The following PSMA5 variants were observed in gnomAD, a reference collection of about 807,000 sequenced individuals.
The protein encoded by PSMA5 is proteasome 20S subunit alpha 5.
Under a neutral mutation model 34.5 loss-of-function variants are expected in PSMA5, and 3 were observed. The ratio of observed to expected loss-of-function variants is 0.09; its 90% CI spans 0.04 to 0.22. The LOEUF is 0.22. PSMA5 is among the 10% of genes least tolerant of loss of function. The pLI is 1.00. For synonymous variants in PSMA5, 88 were observed against 95.8 expected (o/e 0.92, Z 0.47); for missense variants, 120 against 286.1 (o/e 0.42, Z 4.19).
intron 1 of PSMA5, chr1:109,425,880 C>T (rs1305882675): frequency 5.0e-6 from 1 of 199,004 alleles, no homozygotes; most frequent in Admixed American, 5.4e-5. Context: ...TACACCGCAG[C>T]ATGCCCTACT....
chr1:109,422,728 C>G (rs1318411150), intron 1 of PSMA5, among the ~76,000 whole-genome samples: 3 of 152,300 alleles, frequency 2.0e-5, no homozygotes, highest in South Asian at 2.1e-4. Context: ...GCCTCGGCCT[C>G]CCAAAATGCT....
chr1:109,421,406 T>A (rs1487174425), intron 2 of PSMA5, among the ~76,000 whole-genome samples: 2 of 142,958 alleles, frequency 1.4e-5, no homozygotes, highest in East Asian at 4.1e-4. Flanking sequence ...GAGGTTGCAG[T>A]AAGCTGAGAT....
At chr1:109,419,879 C>T (rs554314085) in intron 2 of PSMA5, among the ~76,000 whole-genome samples, 3 of 144,310 alleles carry the variant, frequency 2.1e-5, no homozygotes, top group East Asian at 2.0e-4. Context: ...GGGGCTGAGG[C>T]GGGAGGATCA....
intron 8 of PSMA5, among the ~76,000 whole-genome samples, chr1:109,403,989 G>A (rs1653648440): frequency 6.6e-6 from 1 of 152,132 alleles, no homozygotes. Flanking sequence ...TAGACCATGA[G>A]TTCCATTCCA....
At chr1:109,405,505 C>CCAG (rs1266676131) in intron 8 of PSMA5, among the ~76,000 whole-genome samples, 1 of 117,380 alleles carries the variant, frequency 8.5e-6, no homozygotes, top group African/African-American at 3.3e-5. Flanking sequence ...TGGCGTGATT[C>CCAG]CAGCTCACTG....
intron 1 of PSMA5, 102 bp from the exon 2 acceptor site, chr1:109,422,028 G>C: frequency 1.5e-6 from 1 of 648,032 alleles, no homozygotes. Flanking sequence ...TACAGAATAC[G>C]CACATTGTCA....
Position 109,426,319 on chromosome 1 carries a change from G to C in PSMA5, c.12C>G (p.Thr4=), listed in dbSNP as rs1194225023. The C allele has an allele frequency of 3.1e-6, 5 of 1,614,022 alleles. No homozygotes were observed. Among genetic ancestry groups the C allele is most frequent in the Non-Finnish European group, 4.2e-6 (5 of 1,180,014 alleles). The change falls in exon 1 of 9, where the codon ACC becomes ACG. Residue 4 remains threonine (T), a synonymous_variant. Coordinates refer to ENST00000271308, the MANE Select transcript of PSMA5 (RefSeq NM_002790.4). ...GCACGGACCTGTCGTACTCAGACCG[G>C]GTAAGAAACATGGCGAGGGTAGGAG... MFL[T]RSEYDRGVNT...
At chr1:109,422,025 T>A (rs1220326637) in intron 1 of PSMA5, 99 bp from the exon 2 acceptor site, 3 of 665,006 alleles carry the variant, frequency 4.5e-6, no homozygotes, top group East Asian at 6.8e-5. Flanking sequence ...AGCTACAGAA[T>A]ACGCACATTG....
chr1:109,414,433 A>G (rs1654115607), intron 3 of PSMA5, among the ~76,000 whole-genome samples: 1 of 152,230 alleles, frequency 6.6e-6, no homozygotes, highest in African/African-American at 2.4e-5. Context: ...TTACATGTCC[A>G]CCACCACAAT....
intron 3 of PSMA5, 68 bp downstream of exon 3, chr1:109,415,169 T>C (rs1654140995): frequency 1.3e-6 from 2 of 1,497,474 alleles, no homozygotes; most frequent in African/African-American, 1.4e-5. Flanking sequence ...TAAACCTTCC[T>C]TGGAACATCA....
In PSMA5 at chr1:109,418,348, ACT is replaced by A. The variant is rs531191730; in HGVS notation, c.97-2987_97-2986del. 2.9e-4 allele frequency among the ~76,000 whole-genome samples: 44 copies of A among 152,240 alleles called. No individual in the cohort carries two copies. The East Asian group carries it at 6.9e-3, about 24-fold the overall frequency. ...AAAAAAATATTTTAGACAGGGTCTCACTCTGTTGCCCACGATGGAGTGCAGTG... is the reference window on the plus strand; with the variant it reads ...AAAAAAATATTTTAGACAGGGTCTCACTGTTGCCCACGATGGAGTGCAGTG... On this transcript the variant is annotated intron_variant, in intron 2 of 8. Coordinates refer to ENST00000271308, the MANE Select transcript of PSMA5 (RefSeq NM_002790.4).
chr1:109,412,629 T>TAAAAAAAAAAAAAAA (rs5776976), intron 4 of PSMA5: 1 of 150,312 alleles, frequency 6.7e-6, no homozygotes, highest in Non-Finnish European at 1.4e-5. Flanking sequence ...CTACAAAGTT[T>TAAAAAAAAAAAAAAA]AAAAAAAAAA....
chr1:109,422,535 C>A (rs1426613343), intron 1 of PSMA5, among the ~76,000 whole-genome samples: 1 of 147,564 alleles, frequency 6.8e-6, no homozygotes, highest in Non-Finnish European at 1.5e-5. Flanking sequence ...CAGGCGGGTG[C>A]GATCTCAGCT....
At chr1:109,422,225 C>T (rs536788426) in intron 1 of PSMA5, among the ~76,000 whole-genome samples, 5 of 152,210 alleles carry the variant, frequency 3.3e-5, no homozygotes, top group Non-Finnish European at 7.3e-5. Flanking sequence ...TCTGAATAGA[C>T]TTACCAGTTC....
At chr1:109,414,387 T>C (rs898341244) in intron 3 of PSMA5, among the ~76,000 whole-genome samples, 3 of 152,266 alleles carry the variant, frequency 2.0e-5, no homozygotes, top group Admixed American at 6.5e-5. Context: ...CACTAGTCTT[T>C]CTTAATACTT....
intron 8 of PSMA5, 27 bp from the exon 9 acceptor site, chr1:109,402,117 A>C: frequency 6.4e-7 from 1 of 1,564,590 alleles, no homozygotes; most frequent in East Asian, 2.3e-5. Context: ...AGGGTTAATA[A>C]GCTGGGCTGA....
At chr1:109,418,088 G>A (rs1654288611) in intron 2 of PSMA5, among the ~76,000 whole-genome samples, 1 of 152,032 alleles carries the variant, frequency 6.6e-6, no homozygotes, top group Non-Finnish European at 1.5e-5. Context: ...AACTGGGTGT[G>A]GTGGCATGTG....
At chr1:109,425,859 T>C (rs1369937413) in intron 1 of PSMA5, 1 of 170,286 alleles carries the variant, frequency 5.9e-6, no homozygotes. Flanking sequence ...TTCGCGCTTC[T>C]GAAGAAACTA....
intron 8 of PSMA5, among the ~76,000 whole-genome samples, chr1:109,405,084 C>A (rs187540581): frequency 6.6e-6 from 1 of 152,274 alleles, no homozygotes; most frequent in African/African-American, 2.4e-5. Context: ...TATGGCTAGA[C>A]CACAGCTTGC....
Sources: gnomAD v4.1 joint callset for allele counts (sites outside exome capture counted in the v4.1 genomes callset) on GRCh38, gnomAD v4.1.1 for gene constraint, MANE v1.5 for transcripts, NCBI Gene and HGNC (gene_info 2026-07-23, HGNC 2026-07-21) for gene names.